The following STARD10 variants were observed in gnomAD, a reference collection of about 807,000 sequenced individuals.
STARD10 encodes StAR related lipid transfer domain containing 10.
STARD10 carries 24 observed loss-of-function variants against 36.0 expected under a neutral mutation model. The ratio of observed to expected loss-of-function variants is 0.67; its 90% CI spans 0.48 to 0.94. STARD10 has a LOEUF of 0.94. Ranked by LOEUF, STARD10 falls within the 40% of genes least tolerant of loss-of-function variation. The pLI, the probability that STARD10 is intolerant of heterozygous loss-of-function variation, is 0.00. For missense variants in STARD10, 335 were observed against 396.6 expected, an observed-to-expected ratio of 0.84 and a Z score of 1.32; for synonymous variants, 156 against 161.9, an observed-to-expected ratio of 0.96 and a Z score of 0.28.
intron 2 of STARD10, among the ~76,000 whole-genome samples, chr11:72,768,878 T>A (rs1458989096): frequency 4.6e-5 from 7 of 152,202 alleles, no homozygotes; most frequent in Non-Finnish European, 1.0e-4. Context: ...TGTTCCTGAA[T>A]GGAGGGATGG....
At chr11:72,780,168 C>A (rs774543602) in intron 2 of STARD10, 1 of 449,340 alleles carries the variant, frequency 2.2e-6, no homozygotes, top group Admixed American at 2.4e-5. Flanking sequence ...AGAGTCTTCA[C>A]GAGCCCCTGC....
intron 2 of STARD10, among the ~76,000 whole-genome samples, chr11:72,778,865 G>A (rs2135623426): frequency 6.6e-6 from 1 of 152,310 alleles, no homozygotes; most frequent in African/African-American, 2.4e-5. Flanking sequence ...GAAAAGGAGG[G>A]TAGGGTCCTG....
At chr11:72,785,560 C>CAA (rs869274892) in intron 1 of STARD10, among the ~76,000 whole-genome samples, 2 of 41,532 alleles carry the variant, frequency 4.8e-5, no homozygotes, top group Non-Finnish European at 8.5e-5. Context: ...GGCTCTGTCT[C>CAA]AAAAAAAAAA....
chr11:72,780,044 C>G, intron 2 of STARD10: 1 of 309,584 alleles, frequency 3.2e-6, no homozygotes, highest in Non-Finnish European at 6.8e-6. Flanking sequence ...AAGAGGAAGG[C>G]GAAGGGCACA....
intron 1 of STARD10, among the ~76,000 whole-genome samples, chr11:72,784,666 C>A (rs1336829108): frequency 6.6e-6 from 1 of 152,186 alleles, no homozygotes; most frequent in African/African-American, 2.4e-5. Flanking sequence ...CCACTGCAGT[C>A]CCCTGCCCCA....
chr11:72,784,012 G>A (rs1294663733), intron 1 of STARD10, among the ~76,000 whole-genome samples: 1 of 152,196 alleles, frequency 6.6e-6, no homozygotes. Context: ...TGGGTCCTAG[G>A]TTTAGGCCAG....
Position 72,765,816 on chromosome 11 carries a change from C to CAAAAAA in STARD10, c.208-6441_208-6436dup, listed in dbSNP as rs752801080. Among the ~76,000 whole-genome samples, 232 of 118,194 alleles carry CAAAAAA rather than the reference C, an allele frequency of 2.0e-3. 8 individuals carry two copies. The highest frequency in any genetic ancestry group is 7.8e-3 in the African/African-American group (223 of 28,752). The allele number at this position is 118,194 out of a possible 152,430, so 77.5% of individuals were successfully genotyped here. A position where few individuals can be genotyped will look rare whatever the true frequency, so the allele number is the denominator to read the frequency against. ...TGAAAACCTGTCTCTACTAAAAATA[C>CAAAAAA]AAAAAAAAAAAAAAATTAGCTGGGT... is the stretch of plus-strand genomic sequence containing the variant. On this transcript the variant is annotated intron_variant, in intron 2 of 6. Transcript: ENST00000334805.
At chr11:72,791,175 G>T (rs943610921) in intron 1 of STARD10, among the ~76,000 whole-genome samples, 8 of 152,156 alleles carry the variant, frequency 5.3e-5, no homozygotes, top group African/African-American at 1.9e-4. Flanking sequence ...ACAATTTGAG[G>T]CTCAGAGAGG....
At chr11:72,767,363 AC>A (rs1858806877) in intron 2 of STARD10, among the ~76,000 whole-genome samples, 1 of 151,984 alleles carries the variant, frequency 6.6e-6, no homozygotes, top group Admixed American at 6.6e-5. Flanking sequence ...ATTGCCTCTG[AC>A]CCTTCCAACA....
intron 2 of STARD10, among the ~76,000 whole-genome samples, chr11:72,765,272 CA>C (rs1364028408): frequency 2.0e-5 from 3 of 151,812 alleles, no homozygotes; most frequent in Non-Finnish European, 4.4e-5. Flanking sequence ...GTCTCAAAAA[CA>C]AAAAGAAAAG....
intron 2 of STARD10, among the ~76,000 whole-genome samples, chr11:72,766,278 C>G (rs1003904949): frequency 6.6e-6 from 1 of 152,216 alleles, no homozygotes; most frequent in Non-Finnish European, 1.5e-5. Flanking sequence ...TCACCATTCT[C>G]TGAAGCCTGC....
intron 2 of STARD10, among the ~76,000 whole-genome samples, 156 bp from the exon 3 acceptor site, chr11:72,759,537 C>A (rs1189428133): frequency 6.6e-6 from 1 of 152,130 alleles, no homozygotes; most frequent in Non-Finnish European, 1.5e-5. Context: ...TGCCACAAGC[C>A]CTGTCCAGCT....
At position 72,781,377 on chromosome 11, in the gene STARD10, G is replaced by A. The variant is rs867640590; in HGVS notation, c.-113-83C>T. The stretch of plus-strand genomic sequence containing the variant: ...CGGGGTCCTGGCGGGTGGGGAGCTG[G>A]AGAGAGGTAGGGGCTGGCCCCAGGG... On this transcript the variant is annotated intron_variant, in intron 1 of 6. Transcript: ENST00000334805. This position sits in a 1 kb window ranked among gnomAD's most constrained non-coding sequence, Gnocchi z 4.7. The A allele has an allele frequency of 1.3e-4, 80 of 596,028 alleles. 1 individual carries two copies. In the Admixed American group the frequency reaches 1.6e-3, roughly 12 times the overall value. The allele number at this position is 596,028 out of a possible 1,614,324, so 36.9% of individuals were successfully genotyped here. A position where few individuals can be genotyped will look rare whatever the true frequency, so the allele number is the denominator to read the frequency against.
chr11:72,761,482 C>T (rs1024456210), intron 2 of STARD10, among the ~76,000 whole-genome samples: 9 of 152,080 alleles, frequency 5.9e-5, no homozygotes, highest in Admixed American at 1.3e-4. Flanking sequence ...ATAGGTTGGG[C>T]GCGGTGGCTC....
chr11:72,779,352 G>C (rs1425739227), intron 2 of STARD10, among the ~76,000 whole-genome samples: 1 of 152,216 alleles, frequency 6.6e-6, no homozygotes, highest in African/African-American at 2.4e-5. Context: ...CAGGACCTGA[G>C]AGGCTGAAGC....
chr11:72,762,601 C>T (rs902556799), intron 2 of STARD10, among the ~76,000 whole-genome samples: 3 of 151,894 alleles, frequency 2.0e-5, no homozygotes, highest in Admixed American at 6.6e-5. Context: ...GAGATGAATT[C>T]GAGGCCTGTC....
rs766931894 is a variant in STARD10 at position 72,755,009 on chromosome 11, TGCACCGACA to T, written c.755_763del (p.Leu252_Val254del). Reference sequence around the variant, plus strand: ...GATGTTCTCCAGTGAGTCCGCATGCTGCACCGACAGCTCCGACAGCGCCAGGCTCGGCAA... The same window carrying T: ...GATGTTCTCCAGTGAGTCCGCATGCTGCTCCGACAGCGCCAGGCTCGGCAA... On this transcript the variant is annotated inframe_deletion, in exon 7 of 7. Transcript: ENST00000334805. The T allele has an allele frequency of 1.2e-6, 2 of 1,613,230 alleles. No individual in the cohort carries two copies. Among genetic ancestry groups the T allele is most frequent in the African/African-American group, 2.7e-5 (2 of 75,066 alleles).
chr11:72,787,218 T>C (rs1254218200), intron 1 of STARD10, among the ~76,000 whole-genome samples: 1 of 152,006 alleles, frequency 6.6e-6, no homozygotes, highest in Non-Finnish European at 1.5e-5. Flanking sequence ...ACAAGACCAC[T>C]GAGCAGGGAA....
intron 3 of STARD10, 108 bp from the exon 4 acceptor site, chr11:72,758,741 C>T: frequency 1.3e-6 from 1 of 742,498 alleles, no homozygotes; most frequent in Non-Finnish European, 2.2e-6. Flanking sequence ...TGCCAGCTCT[C>T]CAGTGCAAAG....
Sources: gnomAD v4.1 joint callset for allele counts (sites outside exome capture counted in the v4.1 genomes callset) on GRCh38, gnomAD v4.1.1 for gene constraint, Gnocchi (gnomAD v3.1) non-coding constraint, MANE v1.5 for transcripts, NCBI Gene and HGNC (gene_info 2026-07-23, HGNC 2026-07-21) for gene names.